The following ZFHX3 variants were observed in gnomAD, a reference collection of about 807,000 sequenced individuals.
ZFHX3 encodes the protein zinc finger homeobox 3.
A neutral mutation model predicts 279.1 loss-of-function variants in ZFHX3; 42 were observed. The ratio of observed to expected loss-of-function variants is 0.15; its 90% confidence interval spans 0.12 to 0.19. The LOEUF (loss-of-function observed/expected upper bound fraction) is 0.19. ZFHX3 is among the 10% of genes least tolerant of loss of function. ZFHX3 has a pLI of 1.00. For missense variants in ZFHX3, 4,981 were observed against 4,754.0 expected, an observed-to-expected ratio of 1.05 and a Z score of -1.40; for synonymous variants, 2,293 against 1,957.8, an observed-to-expected ratio of 1.17 and a Z score of -4.52.
intron 4 of ZFHX3, among the ~76,000 whole-genome samples, chr16:72,842,645 G>A (rs2143793829): frequency 6.6e-6 from 1 of 152,260 alleles, no homozygotes; most frequent in East Asian, 1.9e-4. Context: ...GTCGGAGGAA[G>A]GAGATTTAGA....
chr16:73,240,289 G>A (rs1383443035), intron 5 of ZFHX3, among the ~76,000 whole-genome samples: 3 of 151,598 alleles, frequency 2.0e-5, no homozygotes, highest in Admixed American at 2.0e-4. Flanking sequence ...TGCCATTTTG[G>A]CTCACTGCAA....
At chr16:73,093,352 G>A (rs1267361932) in exon 8 of ZFHX3, 31 of 409,880 alleles carry the variant, frequency 7.6e-5, no homozygotes, top group African/African-American at 4.1e-5. Flanking sequence ...GCCAACAGAC[G>A]TCTGAAAGCC....
At chr16:73,696,445 C>T (rs541012561) in intron 1 of ZFHX3, among the ~76,000 whole-genome samples, 90 of 152,276 alleles carry the variant, frequency 5.9e-4, no homozygotes, top group Middle Eastern at 3.4e-3. Context: ...GTTGGGATAA[C>T]CTTGAGCCAA....
chr16:73,225,673 G>A (rs903261013), intron 5 of ZFHX3, among the ~76,000 whole-genome samples: 2 of 152,186 alleles, frequency 1.3e-5, no homozygotes, highest in African/African-American at 4.8e-5. Context: ...TGTTCAGGTA[G>A]GGGTACTGAA....
intron 1 of ZFHX3, among the ~76,000 whole-genome samples, chr16:73,783,123 C>T (rs532576184): frequency 1.7e-4 from 26 of 152,256 alleles, no homozygotes; most frequent in Non-Finnish European, 3.4e-4. Flanking sequence ...TCCAGCTGCC[C>T]GGAGAGTTGG....
intron 1 of ZFHX3, among the ~76,000 whole-genome samples, chr16:72,981,752 C>T (rs1334400799): frequency 6.6e-6 from 1 of 152,164 alleles, no homozygotes; most frequent in Non-Finnish European, 1.5e-5. Flanking sequence ...CAGAAGCACT[C>T]TGTGCAATGG....
Position 72,959,240 on chromosome 16 carries a change from C to A in ZFHX3, c.906G>T (p.Val302=). The change falls in exon 2 of 10, where the codon GTG becomes GTT. Residue 302 remains valine (V), a synonymous_variant. Coordinates refer to ENST00000268489, the MANE Select transcript of ZFHX3 (RefSeq NM_006885.4). ...CGCTCAGGGTCATTCGATGGTCATG[C>A]ACCGCGTGGGTCACAAACGAACGGA... is the stretch of plus-strand genomic sequence containing the variant. The part of the protein sequence containing the change: ...GYVRSFVTHA[V]HDHRMTLSED... 1 of 1,614,210 alleles carries A rather than the reference C, an allele frequency of 6.2e-7. No homozygotes were observed. The highest frequency in any genetic ancestry group is 2.2e-5 in the East Asian group (1 of 44,874).
At chr16:73,473,368 A>AG (rs1390101857) in intron 2 of ZFHX3, among the ~76,000 whole-genome samples, 1 of 151,046 alleles carries the variant, frequency 6.6e-6, no homozygotes, top group Non-Finnish European at 1.5e-5. Context: ...CAAAAAAAAA[A>AG]AAAACAAAAT....
intron 1 of ZFHX3, among the ~76,000 whole-genome samples, chr16:73,730,640 G>A (rs1331280101): frequency 6.6e-6 from 1 of 152,162 alleles, no homozygotes; most frequent in Admixed American, 6.5e-5. Flanking sequence ...GCCCACTCAT[G>A]TGCGACTGAA....
chr16:72,822,306 C>T (rs2036813726), intron 5 of ZFHX3, among the ~76,000 whole-genome samples: 1 of 152,160 alleles, frequency 6.6e-6, no homozygotes, highest in Non-Finnish European at 1.5e-5. Context: ...CTCCAACCTT[C>T]CTAAAAGTAG....
At chr16:73,877,612 G>A (rs2029996520) in intron 1 of ZFHX3, among the ~76,000 whole-genome samples, 1 of 152,006 alleles carries the variant, frequency 6.6e-6, no homozygotes, top group African/African-American at 2.4e-5. Flanking sequence ...TAAATACACA[G>A]CTCATAATCT....
chr16:73,606,886 T>C (rs1466750110), intron 2 of ZFHX3, among the ~76,000 whole-genome samples: 1 of 152,080 alleles, frequency 6.6e-6, no homozygotes. Context: ...TCCAATTCTA[T>C]CCATGTCCCT....
intron 2 of ZFHX3, among the ~76,000 whole-genome samples, chr16:73,467,480 G>T (rs911243733): frequency 2.6e-5 from 4 of 152,118 alleles, no homozygotes; most frequent in Non-Finnish European, 2.9e-5. Context: ...AGGTAGCAGG[G>T]AAGTATTCAG....
intron 1 of ZFHX3, among the ~76,000 whole-genome samples, chr16:72,963,964 G>T (rs1961706644): frequency 6.6e-6 from 1 of 152,232 alleles, no homozygotes; most frequent in African/African-American, 2.4e-5. Context: ...CAAAGGGGAA[G>T]GGAGGAAAAA....
At chr16:72,790,254 T>A (rs557929962) in intron 9 of ZFHX3, 49 of 152,720 alleles carry the variant, frequency 3.2e-4, no homozygotes, top group African/African-American at 1.0e-3. Context: ...GATGAAAAGC[T>A]GAGAAAACAA....
In ZFHX3 at chr16:73,032,721, C is replaced by T. The variant is rs183188710; in HGVS notation, c.-50+15031G>A. ...AAGTAGAGACATCCCAGAGTCCACA[C>T]GCTTGCAAAGGACTTTCTTTTCCTC... is the stretch of plus-strand genomic sequence containing the variant. On this transcript the variant is annotated intron_variant, in intron 1 of 9. Coordinates refer to ENST00000268489, the MANE Select transcript of ZFHX3 (RefSeq NM_006885.4). Among the ~76,000 whole-genome samples the T allele has an allele frequency of 3.3e-3, 501 of 151,898 alleles. 4 individuals carry two copies. The highest frequency in any genetic ancestry group is 0.011 in the African/African-American group (474 of 41,436).
chr16:73,235,096 GTC>G (rs1357077252), intron 5 of ZFHX3, among the ~76,000 whole-genome samples: 1 of 152,170 alleles, frequency 6.6e-6, no homozygotes, highest in Non-Finnish European at 1.5e-5. Flanking sequence ...TTGAGACGGA[GTC>G]TCACTCTATC....
intron 3 of ZFHX3, among the ~76,000 whole-genome samples, chr16:72,923,765 A>T (rs1959278165): frequency 6.6e-6 from 1 of 152,182 alleles, no homozygotes; most frequent in South Asian, 2.1e-4. Context: ...GGAGCTAATG[A>T]AAAAGCTAAG....
chr16:73,508,885 G>A (rs1182849423), intron 2 of ZFHX3, among the ~76,000 whole-genome samples: 2 of 152,164 alleles, frequency 1.3e-5, no homozygotes, highest in Non-Finnish European at 2.9e-5. Context: ...GAGTGTCTGT[G>A]ATGTCTTTTG....
Sources: gnomAD v4.1 joint callset for allele counts (sites outside exome capture counted in the v4.1 genomes callset) on GRCh38, gnomAD v4.1.1 for gene constraint, MANE v1.5 for transcripts, NCBI Gene and HGNC (gene_info 2026-07-23, HGNC 2026-07-21) for gene names.